The following PDSS2 variants were observed in gnomAD, a reference collection of about 807,000 sequenced individuals.
PDSS2 encodes all trans-polyprenyl-diphosphate synthase PDSS2.
Under a neutral mutation model 44.5 loss-of-function variants are expected in PDSS2, and 31 were observed. The observed-to-expected ratio is 0.70, with a 90% CI of 0.52 to 0.94. The LOEUF is 0.94. PDSS2 is among the 40% of genes least tolerant of loss of function. The probability of loss-of-function intolerance (pLI) is 0.00; values close to 1 mark genes in which losing one functional copy is unlikely to be tolerated. For missense variants in PDSS2, 452 were observed against 482.2 expected, an observed-to-expected ratio of 0.94 and a Z score of 0.59; for synonymous variants, 157 against 180.3, an observed-to-expected ratio of 0.87 and a Z score of 1.03.
chr6:107,174,763 G>T (rs147589585), intron 7 of PDSS2, among the ~76,000 whole-genome samples: 1 of 152,178 alleles, frequency 6.6e-6, no homozygotes, highest in African/African-American at 2.4e-5. Flanking sequence ...GAGACAAAGA[G>T]AATTTTAAAT....
chr6:107,430,464 C>T (rs1329896430), intron 1 of PDSS2, among the ~76,000 whole-genome samples: 1 of 152,056 alleles, frequency 6.6e-6, no homozygotes, highest in Non-Finnish European at 1.5e-5. Flanking sequence ...TGTGCCACTG[C>T]ACTCCAGCCT....
intron 7 of PDSS2, among the ~76,000 whole-genome samples, chr6:107,157,426 T>C (rs1203107234): frequency 6.6e-6 from 1 of 152,098 alleles, no homozygotes; most frequent in Admixed American, 6.6e-5. Context: ...GCTCAAGAGA[T>C]CCTCCTGCCT....
At chr6:107,367,536 CA>C (rs1171831595) in intron 1 of PDSS2, among the ~76,000 whole-genome samples, 7 of 152,156 alleles carry the variant, frequency 4.6e-5, no homozygotes, top group African/African-American at 1.7e-4. Context: ...GTAATCTCAG[CA>C]CTTTGGGAGG....
intron 7 of PDSS2, among the ~76,000 whole-genome samples, chr6:107,165,878 C>A (rs553470760): frequency 5.9e-5 from 9 of 152,276 alleles, no homozygotes; most frequent in Admixed American, 5.9e-4. Flanking sequence ...AGAGGTCCTT[C>A]ACATCCCTTG....
At chr6:107,387,570 G>T (rs1779648730) in intron 1 of PDSS2, among the ~76,000 whole-genome samples, 1 of 152,116 alleles carries the variant, frequency 6.6e-6, no homozygotes, top group Admixed American at 6.5e-5. Flanking sequence ...GTGTGTCAAA[G>T]GTATAACTGA....
intron 2 of PDSS2, among the ~76,000 whole-genome samples, chr6:107,318,642 A>G (rs1726745509): frequency 6.6e-6 from 1 of 152,178 alleles, no homozygotes; most frequent in African/African-American, 2.4e-5. Flanking sequence ...GCAATCCATT[A>G]TTTCTTAAAA....
chr6:107,288,318 G>C (rs755050429), intron 2 of PDSS2, among the ~76,000 whole-genome samples: 1 of 152,114 alleles, frequency 6.6e-6, no homozygotes, highest in Non-Finnish European at 1.5e-5. Flanking sequence ...AAAATATGAG[G>C]GCTGGAATAT....
intron 2 of PDSS2, among the ~76,000 whole-genome samples, chr6:107,299,346 T>A (rs1047053502): frequency 1.2e-4 from 18 of 152,188 alleles, no homozygotes; most frequent in Admixed American, 1.1e-3. Flanking sequence ...GGCATCTCAC[T>A]ATCTTTATTT....
chr6:107,186,305 G>T (rs1417771666), intron 7 of PDSS2, among the ~76,000 whole-genome samples: 3 of 152,136 alleles, frequency 2.0e-5, no homozygotes, highest in Non-Finnish European at 2.9e-5. Flanking sequence ...GAGTGTCTGT[G>T]TACAGACCAC....
At chr6:107,404,801 T>C (rs1440609325) in intron 1 of PDSS2, among the ~76,000 whole-genome samples, 1 of 152,110 alleles carries the variant, frequency 6.6e-6, no homozygotes, top group Non-Finnish European at 1.5e-5. Flanking sequence ...AGCCAAACCA[T>C]ATTACATAGA....
At chr6:107,172,384 G>A (rs1303798761) in intron 7 of PDSS2, among the ~76,000 whole-genome samples, 1 of 152,062 alleles carries the variant, frequency 6.6e-6, no homozygotes, top group Non-Finnish European at 1.5e-5. Flanking sequence ...AAGGAAACTA[G>A]AGAAAGACTT....
chr6:107,367,420 C>T (rs747720901), intron 1 of PDSS2, among the ~76,000 whole-genome samples: 4 of 152,212 alleles, frequency 2.6e-5, no homozygotes, highest in Non-Finnish European at 5.9e-5. Context: ...ATGCCTCCCA[C>T]TTAGGACTGG....
At chr6:107,178,797 G>T (rs1276239719) in intron 7 of PDSS2, among the ~76,000 whole-genome samples, 1 of 152,130 alleles carries the variant, frequency 6.6e-6, no homozygotes, top group Non-Finnish European at 1.5e-5. Context: ...GAGGTGGGCG[G>T]ATCACTTGAG....
chr6:107,395,477 T>A (rs376889195), intron 1 of PDSS2, among the ~76,000 whole-genome samples: 1 of 152,208 alleles, frequency 6.6e-6, no homozygotes, highest in South Asian at 2.1e-4. Context: ...CTTCTGTCTA[T>A]GCTTCATATT....
At chr6:107,355,918 CTG>C (rs1444251231) in intron 1 of PDSS2, among the ~76,000 whole-genome samples, 1 of 152,222 alleles carries the variant, frequency 6.6e-6, no homozygotes, top group African/African-American at 2.4e-5. Flanking sequence ...ACCAGAGAGA[CTG>C]TGACTTGTTT....
intron 1 of PDSS2, among the ~76,000 whole-genome samples, chr6:107,405,522 C>A (rs73513187): frequency 0.027 from 4,069 of 151,864 alleles, 203 homozygotes; most frequent in African/African-American, 0.094. Context: ...TCAATATTAA[C>A]CTTGAATGTA....
chr6:107,408,233 T>A (rs1780384526), intron 1 of PDSS2, among the ~76,000 whole-genome samples: 1 of 152,076 alleles, frequency 6.6e-6, no homozygotes, highest in South Asian at 2.1e-4. Flanking sequence ...TTTCACCATG[T>A]TGGCTAGGCT....
chr6:107,429,904 ATATAT>A (rs1562534248), intron 1 of PDSS2, among the ~76,000 whole-genome samples: 2,691 of 33,170 alleles, frequency 0.081, 372 homozygotes, highest in Middle Eastern at 0.28. Flanking sequence ...AAAAAAAAAT[ATATAT>A]ATATATATAT....
At chr6:107,443,436 A>C (rs948062644) in intron 1 of PDSS2, among the ~76,000 whole-genome samples, 2 of 152,246 alleles carry the variant, frequency 1.3e-5, no homozygotes, top group Non-Finnish European at 2.9e-5. Context: ...CAGTAGCCAA[A>C]AACAGAAGCA....
Sources: allele counts gnomAD v4.1 joint callset (sites outside exome capture counted in the v4.1 genomes callset), GRCh38; gene constraint gnomAD v4.1.1; transcripts MANE v1.5; gene names NCBI Gene and HGNC (gene_info 2026-07-23, HGNC 2026-07-21).